PTPRD: variants seen among roughly 807,000 people sequenced by gnomAD.
The protein encoded by PTPRD is protein tyrosine phosphatase receptor type D.
PTPRD carries 34 observed loss-of-function variants against 214.5 expected under a neutral mutation model. The observed-to-expected ratio is 0.16, with a 90% CI of 0.12 to 0.21. PTPRD has a LOEUF of 0.21. PTPRD is among the 10% of genes least tolerant of loss of function. PTPRD has a pLI of 1.00. For missense variants in PTPRD, 2,545 were observed against 2,398.7 expected, an observed-to-expected ratio of 1.06 and a Z score of -1.27; for synonymous variants, 1,128 against 845.7, an observed-to-expected ratio of 1.33 and a Z score of -5.79.
intron 4 of PTPRD, among the ~76,000 whole-genome samples, chr9:9,958,245 T>C (rs942166340): frequency 1.3e-5 from 2 of 152,126 alleles, no homozygotes; most frequent in Non-Finnish European, 2.9e-5. Flanking sequence ...AAACTTATGC[T>C]GTGGCTGGGT....
At position 8,760,531 on chromosome 9, in the gene PTPRD, G is replaced by GC. The variant is rs2094344832; in HGVS notation, c.-103-26586dup. Among the ~76,000 whole-genome samples, 4 of 151,904 alleles carry GC rather than the reference G, an allele frequency of 2.6e-5. No homozygotes were observed. The South Asian group carries it at 8.3e-4, about 32-fold the overall frequency. On this transcript the variant is annotated intron_variant, in intron 11 of 45. Coordinates refer to ENST00000381196, the MANE Select transcript of PTPRD (RefSeq NM_002839.4). ...TTCCTCAAAATTTTTTTGAATGTCA[G>GC]CATTACAAAATGTGGAAATGGAGAA...
Position 8,929,431 on chromosome 9 carries a change from C to T in PTPRD, c.-104+89266G>A, listed in dbSNP as rs138858057. On this transcript the variant is annotated intron_variant, in intron 11 of 45. Transcript: ENST00000381196. ...TGAATTTTATCAAAGGCCTTTTCTGCATCTATGGAGATAATCATGTGGTTT... is the reference window on the plus strand; with the variant it reads ...TGAATTTTATCAAAGGCCTTTTCTGTATCTATGGAGATAATCATGTGGTTT... Among the ~76,000 whole-genome samples the T allele has an allele frequency of 7.8e-3, 1,190 of 152,096 alleles. 16 individuals are homozygous for T. The highest frequency in any genetic ancestry group is 0.027 in the African/African-American group (1,139 of 41,452).
chr9:9,019,326 AAGAAAGAAAGAACGAAAGAAAG>A (rs2099552672), intron 10 of PTPRD, among the ~76,000 whole-genome samples: 2 of 62,626 alleles, frequency 3.2e-5, no homozygotes, highest in South Asian at 1.1e-3. Context: ...GAAAGAAAGA[AAGAAAGAAAGAACGAAAGAAAG>A]AAAGAAAGAA....
At chr9:8,407,466 G>T (rs1216912312) in intron 35 of PTPRD, among the ~76,000 whole-genome samples, 2 of 152,130 alleles carry the variant, frequency 1.3e-5, no homozygotes, top group African/African-American at 4.8e-5. Flanking sequence ...CTCAAACCAG[G>T]TCTGTGTGAT....
At chr9:9,090,354 T>C (rs2099773799) in intron 10 of PTPRD, among the ~76,000 whole-genome samples, 1 of 152,194 alleles carries the variant, frequency 6.6e-6, no homozygotes, top group African/African-American at 2.4e-5. Context: ...CATAATGACC[T>C]CCAGTTCCAT....
intron 2 of PTPRD, among the ~76,000 whole-genome samples, chr9:10,376,617 T>C (rs2097733588): frequency 6.6e-6 from 1 of 151,834 alleles, no homozygotes; most frequent in Non-Finnish European, 1.5e-5. Flanking sequence ...CAGGGTATCA[T>C]GATCTAAACG....
intron 34 of PTPRD, among the ~76,000 whole-genome samples, chr9:8,440,414 C>T (rs2095509324): frequency 6.6e-6 from 1 of 151,764 alleles, no homozygotes; most frequent in South Asian, 2.1e-4. Flanking sequence ...CTCCCGGGTT[C>T]AAGTGGTTCC....
chr9:8,445,688 G>C (rs1041734700), intron 34 of PTPRD, among the ~76,000 whole-genome samples: 1 of 151,898 alleles, frequency 6.6e-6, no homozygotes, highest in Non-Finnish European at 1.5e-5. Flanking sequence ...ACCATTTAGG[G>C]GGAGAAAAAA....
chr9:8,396,660 T>C (rs2091253206), intron 36 of PTPRD, among the ~76,000 whole-genome samples: 1 of 152,170 alleles, frequency 6.6e-6, no homozygotes, highest in Admixed American at 6.6e-5. Context: ...CCCTTAAAAA[T>C]GCTTTTTCTC....
intron 14 of PTPRD, among the ~76,000 whole-genome samples, chr9:8,576,919 C>A (rs1322611229): frequency 6.6e-6 from 1 of 152,300 alleles, no homozygotes; most frequent in East Asian, 1.9e-4. Context: ...TCTTGCCAAT[C>A]CCACTGTCAG....
intron 2 of PTPRD, among the ~76,000 whole-genome samples, chr9:10,449,237 C>T (rs955743328): frequency 2.6e-5 from 4 of 151,888 alleles, no homozygotes; most frequent in Non-Finnish European, 5.9e-5. Flanking sequence ...GACGAGGTTT[C>T]GCCGCGTTGG....
At chr9:9,173,674 G>A (rs949786396) in intron 10 of PTPRD, among the ~76,000 whole-genome samples, 2 of 152,024 alleles carry the variant, frequency 1.3e-5, no homozygotes, top group African/African-American at 4.8e-5. Context: ...CATAGAAAAG[G>A]TAAAGTAAAA....
chr9:8,652,206 C>G (rs1477185891), intron 12 of PTPRD, among the ~76,000 whole-genome samples: 1 of 152,128 alleles, frequency 6.6e-6, no homozygotes, highest in East Asian at 1.9e-4. Context: ...ACACTATTTA[C>G]CAATATAGAA....
chr9:9,720,178 T>C (rs2097911596), intron 7 of PTPRD, among the ~76,000 whole-genome samples: 2 of 152,148 alleles, frequency 1.3e-5, no homozygotes, highest in Non-Finnish European at 2.9e-5. Flanking sequence ...CTTATAATCG[T>C]TTACTAGGTA....
chr9:8,835,198 G>C (rs1566478850), intron 11 of PTPRD, among the ~76,000 whole-genome samples: 1 of 152,250 alleles, frequency 6.6e-6, no homozygotes, highest in South Asian at 2.1e-4. Flanking sequence ...CATCACCTGA[G>C]TTTATGGGTA....
Position 9,820,570 on chromosome 9 carries a change from C to A in PTPRD, c.-367-53719G>T, listed in dbSNP as rs189389596. 3.3e-5 allele frequency among the ~76,000 whole-genome samples: 5 copies of A among 152,264 alleles called. No homozygotes were observed. The South Asian group carries it at 8.3e-4, about 25-fold the overall frequency. ...TAAATTCTTTCCCAAGGCCCCTGTA[C>A]AGAATGGCATTTCCTAGGTTTTCTT... On this transcript the variant is annotated intron_variant, in intron 5 of 45. Coordinates refer to ENST00000381196, the MANE Select transcript of PTPRD (RefSeq NM_002839.4).
intron 5 of PTPRD, among the ~76,000 whole-genome samples, chr9:9,768,427 T>C (rs1165741686): frequency 6.6e-6 from 1 of 152,234 alleles, no homozygotes; most frequent in Non-Finnish European, 1.5e-5. Flanking sequence ...AAATGATATT[T>C]CTACTCTACC....
intron 5 of PTPRD, among the ~76,000 whole-genome samples, chr9:9,924,042 C>G (rs1416378150): frequency 6.6e-6 from 1 of 151,900 alleles, no homozygotes; most frequent in Admixed American, 6.6e-5. Context: ...ACTTTATAAA[C>G]TTCAGGAAAA....
At chr9:10,444,764 G>A (rs1414708506) in intron 2 of PTPRD, among the ~76,000 whole-genome samples, 3 of 151,746 alleles carry the variant, frequency 2.0e-5, no homozygotes, top group Non-Finnish European at 4.4e-5. Context: ...TAATAAAAGT[G>A]TATCATGATT....
Sources: allele counts gnomAD v4.1 joint callset (sites outside exome capture counted in the v4.1 genomes callset), GRCh38; gene constraint gnomAD v4.1.1; transcripts MANE v1.5; gene names NCBI Gene and HGNC (gene_info 2026-07-23, HGNC 2026-07-21).